The following ADAM19 variants were observed in gnomAD, a reference collection of about 807,000 sequenced individuals.
ADAM19 encodes the protein ADAM metallopeptidase domain 19, also known as disintegrin and metalloproteinase domain-containing protein 19.
ADAM19 carries 65 observed loss-of-function variants against 114.7 expected under a neutral mutation model. The ratio of observed to expected loss-of-function variants is 0.57; its 90% CI spans 0.46 to 0.70. ADAM19 has a LOEUF of 0.70. Ranked by LOEUF, ADAM19 falls within the 30% of genes least tolerant of loss-of-function variation. The pLI is 0.00. For synonymous variants in ADAM19, 466 were observed against 460.5 expected (o/e 1.01, Z -0.15); for missense variants, 1,063 against 1,204.7 (o/e 0.88, Z 1.74).
At chr5:157,489,514 G>A (rs759947788) in intron 19 of ADAM19, among the ~76,000 whole-genome samples, 1 of 152,316 alleles carries the variant, frequency 6.6e-6, no homozygotes, top group Middle Eastern at 3.4e-3. Flanking sequence ...CATAGATCCA[G>A]AAAGACCTGG....
At chr5:157,545,490 C>T (rs1486583348) in intron 3 of ADAM19, among the ~76,000 whole-genome samples, 1 of 152,138 alleles carries the variant, frequency 6.6e-6, no homozygotes, top group East Asian at 1.9e-4. Context: ...CCTTTCCAAA[C>T]CTTAGTTTTT....
At chr5:157,519,794 G>C (rs1343084279) in intron 6 of ADAM19, 45 bp downstream of exon 6, 2 of 1,550,942 alleles carry the variant, frequency 1.3e-6, no homozygotes, top group African/African-American at 2.7e-5. Flanking sequence ...GAGGGGACAA[G>C]CCTGTCCCCA....
intron 2 of ADAM19, among the ~76,000 whole-genome samples, 198 bp from the exon 3 acceptor site, chr5:157,564,641 G>C (rs895423033): frequency 2.6e-5 from 4 of 152,172 alleles, no homozygotes; most frequent in African/African-American, 9.7e-5. Context: ...GCTTTCTCCT[G>C]AAAGGCATAG....
intron 5 of ADAM19, among the ~76,000 whole-genome samples, chr5:157,526,583 A>G (rs941283991): frequency 2.0e-5 from 3 of 151,774 alleles, no homozygotes; most frequent in Non-Finnish European, 4.4e-5. Context: ...GAAACTTGAC[A>G]TCCCCAGTGA....
chr5:157,551,841 C>A (rs773652914), intron 3 of ADAM19, among the ~76,000 whole-genome samples: 1 of 152,134 alleles, frequency 6.6e-6, no homozygotes, highest in Non-Finnish European at 1.5e-5. Context: ...CATCACTGAT[C>A]TTCAGAGAAA....
chr5:157,490,891 CAA>C (rs34600745), intron 18 of ADAM19, among the ~76,000 whole-genome samples: 1 of 110,316 alleles, frequency 9.1e-6, no homozygotes, highest in Non-Finnish European at 1.8e-5. Flanking sequence ...GACTCCGTCT[CAA>C]AAAAAAAAAA....
At position 157,575,740 on chromosome 5, in the gene ADAM19, C is replaced by A; in HGVS notation, c.-44G>T. On this transcript the variant is annotated 5_prime_UTR_variant, in exon 1 of 23. An upstream start codon of the reference 5' UTR is lost. Coordinates refer to ENST00000257527, the MANE Select transcript of ADAM19 (RefSeq NM_033274.5). ...CGCTCGGCGCTCACACGCCCTCAGC[C>A]ATACCTGCCCACTGCCCGGCGGTGG... 8.0e-7 allele frequency: 1 copy of A among 1,244,334 alleles called. No homozygotes were observed. The highest frequency in any genetic ancestry group is 2.9e-5 in the South Asian group (1 of 33,982). 77.1% of individuals were successfully genotyped at this position (1,244,334 alleles called of 1,614,324 possible).
rs11466761 is a variant in ADAM19 at position 157,519,219 on chromosome 5, C to A, written c.601-331G>T. ...CCACGTTCCCACAGAACCTCGAAAC[C>A]TCGAAACACCATGCCATTTTCAGTA... On this transcript the variant is annotated intron_variant, in intron 6 of 22. Coordinates refer to ENST00000257527, the MANE Select transcript of ADAM19 (RefSeq NM_033274.5). Among the ~76,000 whole-genome samples the A allele has an allele frequency of 6.8e-3, 1,042 of 152,332 alleles. 13 individuals carry two copies. Among genetic ancestry groups the A allele is most frequent in the African/African-American group, 0.024 (997 of 41,574 alleles).
chr5:157,559,738 T>C (rs1757461235), intron 3 of ADAM19, among the ~76,000 whole-genome samples: 1 of 152,240 alleles, frequency 6.6e-6, no homozygotes, highest in Non-Finnish European at 1.5e-5. Context: ...CTGTGGGTTG[T>C]GCAAACAGCA....
At position 157,497,100 on chromosome 5, in the gene ADAM19, G is replaced by T; in HGVS notation, c.1399-11C>A. 6.7e-7 allele frequency: 1 copy of T among 1,499,632 alleles called. No homozygotes were observed. Among genetic ancestry groups the T allele is most frequent in the South Asian group, 1.4e-5 (1 of 73,680 alleles). 92.9% of individuals were successfully genotyped at this position (1,499,632 alleles called of 1,614,324 possible). A position where few individuals can be genotyped will look rare whatever the true frequency, so the allele number is the denominator to read the frequency against. ...CCCAGGAGCCAACAGCTGAGCCAAG[G>T]AATGAGAGGAAAACACAGTCAATCT... is the stretch of plus-strand genomic sequence containing the variant. On this transcript the variant is annotated splice_polypyrimidine_tract_variant and intron_variant, in intron 13 of 22. Coordinates refer to ENST00000257527, the MANE Select transcript of ADAM19 (RefSeq NM_033274.5).
At chr5:157,481,562 G>T in intron 22 of ADAM19, 1 of 1,488,466 alleles carries the variant, frequency 6.7e-7, no homozygotes, top group South Asian at 1.3e-5. Context: ...GCAGGGGCAG[G>T]ACTGAAGCCA....
Position 157,477,596 on chromosome 5 carries a change from C to A in ADAM19, c.*3353G>T. 7.9e-7 allele frequency: 1 copy of A among 1,270,764 alleles called. No homozygotes were observed. The highest frequency in any genetic ancestry group is 1.0e-6 in the Non-Finnish European group (1 of 977,968). The allele number at this position is 1,270,764 out of a possible 1,614,324, so 78.7% of individuals were successfully genotyped here. Reference sequence around the variant, plus strand: ...CTACAGAACCTCTCCTTCGCAGGCTCCCCTGGGGAAGGGGACCTTTCCAGT... The same window carrying A: ...CTACAGAACCTCTCCTTCGCAGGCTACCCTGGGGAAGGGGACCTTTCCAGT... On this transcript the variant is annotated 3_prime_UTR_variant, in exon 23 of 23. Coordinates refer to ENST00000257527, the MANE Select transcript of ADAM19 (RefSeq NM_033274.5).
intron 3 of ADAM19, among the ~76,000 whole-genome samples, chr5:157,560,350 G>C (rs188070967): frequency 7.4e-5 from 11 of 149,470 alleles, no homozygotes; most frequent in Non-Finnish European, 1.5e-4. Flanking sequence ...GCATTTTACA[G>C]ATGAGAAAGC....
Position 157,505,607 on chromosome 5 carries a change from G to A in ADAM19, c.1130+62C>T, listed in dbSNP as rs1041477592. Reference sequence around the variant, plus strand: ...GTGGGGCCAGCTGGGAGGAACCCCTGGGTCACACTGTCCAGGTGTGCCCGC... The same window carrying A: ...GTGGGGCCAGCTGGGAGGAACCCCTAGGTCACACTGTCCAGGTGTGCCCGC... On this transcript the variant is annotated intron_variant, in intron 11 of 22. Transcript: ENST00000257527. 13 of 1,555,554 alleles carry A rather than the reference G, an allele frequency of 8.4e-6. No individual in the cohort carries two copies. The East Asian group carries it at 3.0e-4, about 36-fold the overall frequency.
At chr5:157,500,815 A>C (rs1019007989) in intron 12 of ADAM19, among the ~76,000 whole-genome samples, 1 of 152,146 alleles carries the variant, frequency 6.6e-6, no homozygotes, top group Non-Finnish European at 1.5e-5. Flanking sequence ...CGTCCTCATC[A>C]CACTCTTACA....
chr5:157,497,707 G>A (rs566139612), intron 13 of ADAM19, among the ~76,000 whole-genome samples: 15 of 152,288 alleles, frequency 9.8e-5, no homozygotes, highest in South Asian at 8.3e-4. Context: ...CACGTATCTC[G>A]TGGGATCCTC....
intron 9 of ADAM19, among the ~76,000 whole-genome samples, chr5:157,508,882 A>G (rs1755826258): frequency 6.6e-6 from 1 of 152,230 alleles, no homozygotes; most frequent in Non-Finnish European, 1.5e-5. Flanking sequence ...AACCAAGTGA[A>G]GGACAACACA....
At chr5:157,540,707 G>A (rs936796506) in intron 3 of ADAM19, among the ~76,000 whole-genome samples, 5 of 152,122 alleles carry the variant, frequency 3.3e-5, no homozygotes, top group East Asian at 1.9e-4. Flanking sequence ...CTTTTATCTC[G>A]TGTAGGAATC....
intron 3 of ADAM19, among the ~76,000 whole-genome samples, chr5:157,542,673 C>G (rs967818692): frequency 6.6e-6 from 1 of 152,194 alleles, no homozygotes; most frequent in Non-Finnish European, 1.5e-5. Flanking sequence ...GGTGTGGTGG[C>G]GCGCACCTGT....
Sources: allele counts gnomAD v4.1 joint callset (sites outside exome capture counted in the v4.1 genomes callset), GRCh38; gene constraint gnomAD v4.1.1; transcripts MANE v1.5; gene names NCBI Gene and HGNC (gene_info 2026-07-23, HGNC 2026-07-21).